The following EPB41L4B variants were observed in gnomAD, a reference collection of about 807,000 sequenced individuals.
The protein encoded by EPB41L4B is band 4.1-like protein 4B.
A neutral mutation model predicts 112.5 loss-of-function variants in EPB41L4B; 30 were observed. The ratio of observed to expected loss-of-function variants is 0.27; its 90% confidence interval spans 0.20 to 0.36. The LOEUF (loss-of-function observed/expected upper bound fraction) is 0.36. Ranked by LOEUF, EPB41L4B falls within the 10% of genes least tolerant of loss-of-function variation. The pLI, the probability that EPB41L4B is intolerant of heterozygous loss-of-function variation, is 1.00. For missense variants in EPB41L4B, 1,024 were observed against 1,133.3 expected (o/e 0.90, Z 1.38); for synonymous variants, 408 against 439.7 (o/e 0.93, Z 0.90).
chr9:109,232,317 T>G (rs1174154109), intron 15 of EPB41L4B, among the ~76,000 whole-genome samples: 1 of 152,094 alleles, frequency 6.6e-6, no homozygotes, highest in Non-Finnish European at 1.5e-5. Context: ...ACAGATTTTT[T>G]TTTTTGGTGC....
At chr9:109,319,654 C>T (rs1488221426) in intron 1 of EPB41L4B, among the ~76,000 whole-genome samples, 1 of 152,252 alleles carries the variant, frequency 6.6e-6, no homozygotes, top group Non-Finnish European at 1.5e-5. Context: ...AGGGGATCTC[C>T]TCTCTGCTGT....
intron 5 of EPB41L4B, 63 bp from the exon 6 acceptor site, chr9:109,263,165 C>T (rs767766939): frequency 3.3e-5 from 35 of 1,049,414 alleles, no homozygotes; most frequent in Non-Finnish European, 4.9e-5. Context: ...TACAAAATGT[C>T]ATTAAAATCA....
chr9:109,247,275 A>G (rs1834595068), intron 14 of EPB41L4B, among the ~76,000 whole-genome samples: 1 of 152,034 alleles, frequency 6.6e-6, no homozygotes, highest in Non-Finnish European at 1.5e-5. Context: ...TCTTTCTTGC[A>G]GGATTTCTCA....
At chr9:109,201,962 T>C (rs1451101781) in intron 19 of EPB41L4B, among the ~76,000 whole-genome samples, 1 of 152,122 alleles carries the variant, frequency 6.6e-6, no homozygotes, top group Non-Finnish European at 1.5e-5. Context: ...GACAGAAGCA[T>C]CTTAGAGGAC....
chr9:109,230,843 A>C (rs1255591762), intron 15 of EPB41L4B, among the ~76,000 whole-genome samples: 1 of 152,146 alleles, frequency 6.6e-6, no homozygotes, highest in Non-Finnish European at 1.5e-5. Flanking sequence ...GGTTGACTCT[A>C]CTTCATCTTT....
intron 11 of EPB41L4B, among the ~76,000 whole-genome samples, chr9:109,253,932 T>C (rs1217100901): frequency 6.6e-6 from 1 of 152,226 alleles, no homozygotes; most frequent in Non-Finnish European, 1.5e-5. Flanking sequence ...CAATACCCAC[T>C]TAACTAGGTC....
At chr9:109,220,209 G>T (rs1436836732) in intron 15 of EPB41L4B, among the ~76,000 whole-genome samples, 2 of 152,190 alleles carry the variant, frequency 1.3e-5, no homozygotes, top group East Asian at 3.8e-4. Flanking sequence ...TTTCTTTTCA[G>T]TGGAAAAGGT....
intron 1 of EPB41L4B, among the ~76,000 whole-genome samples, chr9:109,307,015 G>GTTTT (rs534923556): frequency 9.8e-4 from 121 of 124,048 alleles, no homozygotes; most frequent in Non-Finnish European, 1.2e-3. Flanking sequence ...TGCTGCAGTT[G>GTTTT]TTTTTTTTTT....
At chr9:109,311,283 G>A (rs1837404787) in intron 1 of EPB41L4B, among the ~76,000 whole-genome samples, 1 of 152,172 alleles carries the variant, frequency 6.6e-6, no homozygotes. Flanking sequence ...TAGAGCAAAG[G>A]AGATGCATTA....
chr9:109,178,902 T>TAAAAAAAAAAAAAAAA (rs10625718), intron 24 of EPB41L4B, among the ~76,000 whole-genome samples: 3 of 105,126 alleles, frequency 2.9e-5, no homozygotes, highest in East Asian at 3.0e-4. Flanking sequence ...ATACTTCAAG[T>TAAAAAAAAAAAAAAAA]AAAAAAAAAA....
intron 1 of EPB41L4B, among the ~76,000 whole-genome samples, chr9:109,314,096 C>T (rs181035550): frequency 9.9e-5 from 15 of 152,282 alleles, no homozygotes; most frequent in Admixed American, 2.0e-4. Flanking sequence ...GCAGCAGCCA[C>T]GGGCTACAGG....
chr9:109,316,920 A>T (rs965552748), intron 1 of EPB41L4B, among the ~76,000 whole-genome samples: 1 of 152,142 alleles, frequency 6.6e-6, no homozygotes, highest in Non-Finnish European at 1.5e-5. Flanking sequence ...AGGGCAATAC[A>T]GTGAGACCCC....
chr9:109,244,817 C>T (rs973570120), intron 14 of EPB41L4B, among the ~76,000 whole-genome samples: 1 of 152,214 alleles, frequency 6.6e-6, no homozygotes, highest in Non-Finnish European at 1.5e-5. Context: ...TAAGTCACTA[C>T]AGTCTTGCCA....
intron 1 of EPB41L4B, among the ~76,000 whole-genome samples, chr9:109,290,694 T>C (rs569934166): frequency 2.0e-5 from 3 of 151,016 alleles, no homozygotes; most frequent in African/African-American, 7.3e-5. Flanking sequence ...TCTATGAGCC[T>C]TGGCAGGAAA....
chr9:109,274,333 G>GC (rs1835734780), intron 2 of EPB41L4B, among the ~76,000 whole-genome samples: 1 of 152,008 alleles, frequency 6.6e-6, no homozygotes, highest in Admixed American at 6.6e-5. Context: ...CCAAATCCCT[G>GC]CCCCTCCTCT....
At chr9:109,195,824 GAA>G (rs1248211837) in intron 20 of EPB41L4B, among the ~76,000 whole-genome samples, 1 of 152,076 alleles carries the variant, frequency 6.6e-6, no homozygotes, top group African/African-American at 2.4e-5. Flanking sequence ...GCCTAAAATT[GAA>G]AAAGACTCCA....
intron 22 of EPB41L4B, among the ~76,000 whole-genome samples, chr9:109,186,646 T>C (rs942872679): frequency 6.6e-6 from 1 of 151,958 alleles, no homozygotes; most frequent in African/African-American, 2.4e-5. Flanking sequence ...GGCTAATATT[T>C]TAATTTTTCT....
intron 1 of EPB41L4B, chr9:109,307,176 A>G (rs762000361): frequency 2.2e-6 from 1 of 457,158 alleles, no homozygotes; most frequent in South Asian, 1.6e-5. Flanking sequence ...CAGTAATTCT[A>G]TTATAGTACA....
rs1588143730 is a variant in EPB41L4B, at chr9:109,217,161, C to T, written c.1410-16G>A. ...GAGCGGGTAGCTGTGGAGGGTGACA[C>T]AGTCAGGATTTAGAAAAGCAGAATG... is the stretch of plus-strand genomic sequence containing the variant. On this transcript the variant is annotated splice_polypyrimidine_tract_variant and intron_variant, in intron 15 of 25. Coordinates refer to ENST00000374566, the MANE Select transcript of EPB41L4B (RefSeq NM_019114.5). The T allele has an allele frequency of 1.2e-6, 2 of 1,611,898 alleles. No homozygotes were observed. Among genetic ancestry groups the T allele is most frequent in the South Asian group, 2.2e-5 (2 of 91,004 alleles).
Sources: allele counts gnomAD v4.1 joint callset (sites outside exome capture counted in the v4.1 genomes callset), GRCh38; gene constraint gnomAD v4.1.1; transcripts MANE v1.5; gene names NCBI Gene and HGNC (gene_info 2026-07-23, HGNC 2026-07-21).